The following LRRTM4 variants were observed in gnomAD, a reference collection of about 807,000 sequenced individuals.
LRRTM4 encodes the protein leucine-rich repeat transmembrane neuronal protein 4.
LRRTM4 carries 25 observed loss-of-function variants against 47.6 expected under a neutral mutation model. The ratio of observed to expected loss-of-function variants is 0.53; its 90% confidence interval spans 0.38 to 0.73. The LOEUF (loss-of-function observed/expected upper bound fraction) is 0.73. LRRTM4 is among the 30% of genes least tolerant of loss of function. The pLI, the probability that LRRTM4 is intolerant of heterozygous loss-of-function variation, is 0.00. For synonymous variants in LRRTM4, 311 were observed against 269.5 expected (o/e 1.15, Z -1.51); for missense variants, 638 against 713.4 (o/e 0.89, Z 1.20).
At chr2:77,399,109 C>G (rs920186327) in intron 3 of LRRTM4, among the ~76,000 whole-genome samples, 1 of 151,352 alleles carries the variant, frequency 6.6e-6, no homozygotes, top group Non-Finnish European at 1.5e-5. Context: ...CTCCCTCTGC[C>G]TCTCAAACGT....
chr2:77,490,217 T>C (rs1184544510), intron 3 of LRRTM4, among the ~76,000 whole-genome samples: 1 of 151,658 alleles, frequency 6.6e-6, no homozygotes, highest in Non-Finnish European at 1.5e-5. Context: ...ACCACTGCAC[T>C]CCAGCCTGGG....
chr2:76,931,787 T>C (rs1408318292), intron 3 of LRRTM4, among the ~76,000 whole-genome samples: 1 of 152,146 alleles, frequency 6.6e-6, no homozygotes, highest in Non-Finnish European at 1.5e-5. Context: ...GATATTTTGC[T>C]ACCAACCATA....
chr2:77,266,256 A>C (rs1329859295), intron 3 of LRRTM4, among the ~76,000 whole-genome samples: 1 of 152,172 alleles, frequency 6.6e-6, no homozygotes, highest in Non-Finnish European at 1.5e-5. Context: ...GTAGAGAGAC[A>C]CAATAAAGGA....
rs184199773 is a variant in LRRTM4, at chr2:77,409,380, A to G, written c.1551+108938T>C. ...GTGAGGGCCTTCTTTATGTGTCCTCACATGGCAGAAATCAGAAGGACAAGC... is the reference window on the plus strand; with the variant it reads ...GTGAGGGCCTTCTTTATGTGTCCTCGCATGGCAGAAATCAGAAGGACAAGC... On this transcript the variant is annotated intron_variant, in intron 3 of 3. Transcript: ENST00000409884. 5.9e-5 allele frequency among the ~76,000 whole-genome samples: 9 copies of G among 152,318 alleles called. 1 individual carries two copies. In the East Asian group the frequency reaches 1.7e-3, roughly 29 times the overall value.
At chr2:77,025,281 C>G (rs187967421) in intron 3 of LRRTM4, among the ~76,000 whole-genome samples, 39 of 152,286 alleles carry the variant, frequency 2.6e-4, no homozygotes, top group Admixed American at 1.8e-3. Flanking sequence ...TGATTTACGA[C>G]TACAAAATCT....
chr2:77,377,980 A>G (rs1672900913), intron 3 of LRRTM4, among the ~76,000 whole-genome samples: 1 of 152,046 alleles, frequency 6.6e-6, no homozygotes, highest in East Asian at 1.9e-4. Context: ...AAAATTGTAC[A>G]TCTTTTAAAA....
intron 3 of LRRTM4, among the ~76,000 whole-genome samples, chr2:76,882,032 C>G (rs1672945523): frequency 6.6e-6 from 1 of 152,092 alleles, no homozygotes; most frequent in Admixed American, 6.6e-5. Flanking sequence ...AAACCACAAT[C>G]TGGTGTAAAA....
At chr2:76,751,900 T>G (rs561464664) in intron 3 of LRRTM4, among the ~76,000 whole-genome samples, 7 of 152,312 alleles carry the variant, frequency 4.6e-5, no homozygotes, top group Admixed American at 4.6e-4. Context: ...TGAAGTAACA[T>G]AATTTGAAAA....
At chr2:77,422,585 A>G (rs571294209) in intron 3 of LRRTM4, among the ~76,000 whole-genome samples, 44 of 152,344 alleles carry the variant, frequency 2.9e-4, no homozygotes, top group African/African-American at 1.0e-3. Context: ...TAAGCAGAAA[A>G]CAATTTATGA....
intron 3 of LRRTM4, among the ~76,000 whole-genome samples, chr2:76,768,385 T>A (rs1279894672): frequency 6.6e-6 from 1 of 152,122 alleles, no homozygotes; most frequent in Non-Finnish European, 1.5e-5. Flanking sequence ...ATGAGTGAAA[T>A]TAGATTTTTT....
chr2:77,111,887 A>G (rs1201382942), intron 3 of LRRTM4, among the ~76,000 whole-genome samples: 1 of 152,204 alleles, frequency 6.6e-6, no homozygotes, highest in Non-Finnish European at 1.5e-5. Flanking sequence ...CAAACTTTCT[A>G]TCTGTGAAAT....
At chr2:77,080,221 C>A (rs1680486480) in intron 3 of LRRTM4, among the ~76,000 whole-genome samples, 1 of 152,162 alleles carries the variant, frequency 6.6e-6, no homozygotes, top group African/African-American at 2.4e-5. Context: ...TTCTAGAATT[C>A]TATGTACATC....
rs929816375 is a variant in LRRTM4, at chr2:76,806,583, A to C, written c.1552-57667T>G. ...ACAACAAGAGGAAAACCCCGTCTCA[A>C]AACATTTTTTTTAAAAAGAAAAAAA... is the stretch of plus-strand genomic sequence containing the variant. On this transcript the variant is annotated intron_variant, in intron 3 of 3. Coordinates refer to ENST00000409884, the MANE Select transcript of LRRTM4 (RefSeq NM_001134745.3). Among the ~76,000 whole-genome samples, 9 of 143,342 alleles carry C rather than the reference A, an allele frequency of 6.3e-5. 1 individual carries two copies. Among genetic ancestry groups the C allele is most frequent in the African/African-American group, 2.4e-4 (9 of 37,152 alleles). 94.0% of individuals were successfully genotyped at this position (143,342 alleles called of 152,430 possible). A position where few individuals can be genotyped will look rare whatever the true frequency, so the allele number is the denominator to read the frequency against.
At chr2:77,049,091 GT>G (rs906170929) in intron 3 of LRRTM4, among the ~76,000 whole-genome samples, 16 of 100,122 alleles carry the variant, frequency 1.6e-4, no homozygotes, top group South Asian at 3.1e-4. Context: ...ATGACAGTTT[GT>G]TTTTTTTTGA....
intron 3 of LRRTM4, among the ~76,000 whole-genome samples, chr2:76,883,195 C>T (rs571077852): frequency 2.6e-5 from 4 of 152,312 alleles, no homozygotes; most frequent in African/African-American, 9.6e-5. Flanking sequence ...TCCTGTGGAG[C>T]TTTCTACCAG....
chr2:76,961,586 A>C (rs1407692618), intron 3 of LRRTM4, among the ~76,000 whole-genome samples: 1 of 151,346 alleles, frequency 6.6e-6, no homozygotes, highest in Non-Finnish European at 1.5e-5. Flanking sequence ...AAACAGAGAG[A>C]CCTATATAAA....
At chr2:77,230,513 T>C (rs1171953035) in intron 3 of LRRTM4, among the ~76,000 whole-genome samples, 5 of 152,194 alleles carry the variant, frequency 3.3e-5, no homozygotes, top group African/African-American at 1.2e-4. Context: ...CTGATATAAT[T>C]TGAATATAAA....
chr2:77,424,566 C>T (rs1358161937), intron 3 of LRRTM4, among the ~76,000 whole-genome samples: 1 of 152,156 alleles, frequency 6.6e-6, no homozygotes, highest in Non-Finnish European at 1.5e-5. Context: ...CAATGGAATG[C>T]ATATTTTGCA....
At chr2:77,464,510 C>CT (rs538491984) in intron 3 of LRRTM4, among the ~76,000 whole-genome samples, 9 of 151,088 alleles carry the variant, frequency 6.0e-5, no homozygotes, top group Non-Finnish European at 7.4e-5. Flanking sequence ...GAGCTATTTC[C>CT]TTTTTTTTCA....
Sources: gnomAD v4.1 joint callset for allele counts (sites outside exome capture counted in the v4.1 genomes callset) on GRCh38, gnomAD v4.1.1 for gene constraint, MANE v1.5 for transcripts, NCBI Gene and HGNC (gene_info 2026-07-23, HGNC 2026-07-21) for gene names.